The following MEG3 variants were observed in gnomAD, a reference collection of about 807,000 sequenced individuals.
MEG3 encodes the protein Very putative protein from MEG3 locus.
At chr14:100,834,818 G>C in exon 1 of MEG3, 1 of 456,708 alleles carries the variant, frequency 2.2e-6, no homozygotes, top group South Asian at 1.5e-5. Context: ...AGAGTTCTAG[G>C]TGCAAAGGCT....
upstream of MEG3, chr14:100,854,229 G>A (rs558159769): frequency 2.6e-5 from 4 of 152,312 alleles, no homozygotes; most frequent in East Asian, 7.7e-4. Flanking sequence ...ACTTTAACTT[G>A]CATTGCTTTA....
chr14:100,845,455 C>T lies in MEG3; in HGVS notation n.3046-3C>T, dbSNP rs1157974763. 3 of 456,684 alleles carry T rather than the reference C, an allele frequency of 6.6e-6. No individual in the cohort carries two copies. Among genetic ancestry groups the T allele is most frequent in the Admixed American group, 2.3e-5 (1 of 42,564 alleles). 28.3% of individuals were successfully genotyped at this position (456,684 alleles called of 1,614,324 possible). On this transcript the variant is annotated splice_polypyrimidine_tract_variant and splice_region_variant and intron_variant and non_coding_transcript_variant, in intron 2 of 3. Coordinates refer to the MEG3 transcript ENST00000398461. This position sits in a 1 kb window ranked among gnomAD's most constrained non-coding sequence, Gnocchi z 5.2. ...TCTGTGACCTAGTGCCTTCTTGTTA[C>T]AGCGGAAGCCATCACCTGGATGCCT... is the stretch of plus-strand genomic sequence containing the variant.
At chr14:100,836,553 G>A (rs374965710) in intron 2 of MEG3, among the ~76,000 whole-genome samples, 2 of 152,058 alleles carry the variant, frequency 1.3e-5, no homozygotes, top group African/African-American at 4.8e-5. Context: ...GGTAGGTGGG[G>A]AGTGTCCACC....
chr14:100,834,954 T>C (rs1441595546), exon 1 of MEG3: 1 of 399,052 alleles, frequency 2.5e-6, no homozygotes, highest in Non-Finnish European at 5.1e-6. Flanking sequence ...CAACAGTTGA[T>C]CCTAACTGAG....
downstream of MEG3, chr14:100,830,385 C>CACA (rs72228212): frequency 0.12 from 16,583 of 139,022 alleles, 1,260 homozygotes; most frequent in African/African-American, 0.2. Flanking sequence ...ACACACACAC[C>CACA]CCCTCGTGTA....
upstream of MEG3, chr14:100,853,590 T>C (rs2038153579): frequency 6.6e-6 from 1 of 152,114 alleles, no homozygotes. Context: ...TTTTTTTTTT[T>C]TGTATCCTGC....
At chr14:100,841,208 G>A (rs1008760710) in intron 2 of MEG3, among the ~76,000 whole-genome samples, 1 of 152,248 alleles carries the variant, frequency 6.6e-6, no homozygotes. Flanking sequence ...GGGGGGCACA[G>A]GTCTCAGTCT....
At chr14:100,830,312 T>G (rs2037360096), downstream of MEG3, 1 of 151,558 alleles carries the variant, frequency 6.6e-6, no homozygotes, top group Non-Finnish European at 1.5e-5. Context: ...ACTCTAAGTT[T>G]CAGTTTCTTT....
At chr14:100,853,186 G>A (rs2038139107), upstream of MEG3, 1 of 152,148 alleles carries the variant, frequency 6.6e-6, no homozygotes, top group African/African-American at 2.4e-5. Context: ...ATCTTTATGT[G>A]TTCGTTAAAC....
rs2037622872 is a variant in MEG3 at position 100,837,539 on chromosome 14, C to T, written n.3045+1239C>T. On this transcript the variant is annotated intron_variant and non_coding_transcript_variant, in intron 2 of 3. Coordinates refer to the MEG3 transcript ENST00000398461. The surrounding 1 kb of genome is among the most constrained non-coding windows in gnomAD (Gnocchi z 5.8). ...TTGGCCCAGATGCCAATACTCCCCT[C>T]TGGACGCCCACGAATGGGGTCTCTG... Among the ~76,000 whole-genome samples, 1 of 152,100 alleles carries T rather than the reference C, an allele frequency of 6.6e-6. No individual in the cohort carries two copies. Among genetic ancestry groups the T allele is most frequent in the South Asian group, 2.1e-4 (1 of 4,828 alleles).
chr14:100,847,424 G>C (rs1371117637), intron 3 of MEG3: 1 of 152,164 alleles, frequency 6.6e-6, no homozygotes, highest in Non-Finnish European at 1.5e-5. Flanking sequence ...TTAGATGAAA[G>C]GATATGAGAA....
At chr14:100,847,184 A>G (rs555912240) in intron 3 of MEG3, 2 of 152,310 alleles carry the variant, frequency 1.3e-5, no homozygotes, top group South Asian at 2.1e-4. Context: ...ATAGCAAAGA[A>G]AGAAAGAGGA....
At chr14:100,860,545 C>T (rs2038374518) in intron 1 of MEG3, 1 of 423,958 alleles carries the variant, frequency 2.4e-6, no homozygotes, top group African/African-American at 2.0e-5. Flanking sequence ...GGGTGCTCCC[C>T]TCACCCTCCA....
chr14:100,842,714 A>G (rs531007439), intron 2 of MEG3, among the ~76,000 whole-genome samples: 1 of 152,256 alleles, frequency 6.6e-6, no homozygotes, highest in African/African-American at 2.4e-5. Flanking sequence ...TACCAAAGAC[A>G]TGCCAGATCA....
At chr14:100,838,701 T>A (rs190658044) in intron 2 of MEG3, among the ~76,000 whole-genome samples, 4 of 152,216 alleles carry the variant, frequency 2.6e-5, no homozygotes, top group Admixed American at 2.6e-4. Context: ...GGGACTCTTC[T>A]GGGTGGGTGC....
At chr14:100,855,207 G>A (rs1400276864), upstream of MEG3, 2 of 152,684 alleles carry the variant, frequency 1.3e-5, no homozygotes, top group Non-Finnish European at 2.9e-5. Flanking sequence ...CTTTCAACAT[G>A]AATTGCTCCA....
At chr14:100,834,310 G>T in exon 1 of MEG3, 1 of 201,004 alleles carries the variant, frequency 5.0e-6, no homozygotes, top group Non-Finnish European at 1.0e-5. Flanking sequence ...CAAAGCCACT[G>T]TTAGTGCTGC....
intron 2 of MEG3, among the ~76,000 whole-genome samples, chr14:100,844,580 G>C (rs1038733322): frequency 6.6e-6 from 1 of 152,086 alleles, no homozygotes; most frequent in African/African-American, 2.4e-5. Context: ...CGTTGCCTCC[G>C]TGTGGTGTGG....
At chr14:100,853,591 T>G (rs1264359912), upstream of MEG3, 1 of 148,730 alleles carries the variant, frequency 6.7e-6, no homozygotes, top group Non-Finnish European at 1.5e-5. Context: ...TTTTTTTTTT[T>G]GTATCCTGCC....
Sources: gnomAD v4.1 joint callset for allele counts (sites outside exome capture counted in the v4.1 genomes callset) on GRCh38, gnomAD v4.1.1 for gene constraint, Gnocchi (gnomAD v3.1) non-coding constraint, MANE v1.5 for transcripts, NCBI Gene and HGNC (gene_info 2026-07-23, HGNC 2026-07-21) for gene names.